ARL1: variants seen among roughly 807,000 people sequenced by gnomAD.
ARL1 encodes ARF like GTPase 1.
ARL1 carries 17 observed loss-of-function variants against 30.1 expected under a neutral mutation model. The ratio of observed to expected loss-of-function variants is 0.56; its 90% CI spans 0.39 to 0.85. The LOEUF (loss-of-function observed/expected upper bound fraction) is 0.85. ARL1 is among the 40% of genes least tolerant of loss of function. The pLI is 0.00. For synonymous variants in ARL1, 58 were observed against 71.7 expected (o/e 0.81, Z 0.97); for missense variants, 102 against 212.6 (o/e 0.48, Z 3.24).
rs1871117832 is a variant in ARL1, at chr12:101,395,311, TA to T, written c.*328del. The T allele has an allele frequency of 4.5e-6, 1 of 222,664 alleles. No individual in the cohort carries two copies. Among genetic ancestry groups the T allele is most frequent in the African/African-American group, 2.3e-5 (1 of 44,074 alleles). 13.8% of individuals were successfully genotyped at this position (222,664 alleles called of 1,614,324 possible). A position where few individuals can be genotyped will look rare whatever the true frequency, so the allele number is the denominator to read the frequency against. On this transcript the variant is annotated 3_prime_UTR_variant, in exon 6 of 6. Transcript: ENST00000261636. ...ATTTATACAAACAAGCTGCAACTAC[TA>T]TTCAAAAATAGGTTTTTTTCATCCA... is the stretch of plus-strand genomic sequence containing the variant.
chr12:101,406,003 A>C, intron 1 of ARL1, 22 bp from the exon 2 acceptor site: 2 of 1,537,354 alleles, frequency 1.3e-6, no homozygotes, highest in Non-Finnish European at 1.8e-6. Context: ...TAAAAGAAAA[A>C]ACATACACAA....
At position 101,395,543 on chromosome 12, in the gene ARL1, T is replaced by C. The variant is rs1449818719; in HGVS notation, c.*97A>G. ...GTCAGTCAGTATATGCCAATAATCA[T>C]ATAGTTTTAACATCTAGTAGTGTGA... On this transcript the variant is annotated 3_prime_UTR_variant, in exon 6 of 6. Coordinates refer to ENST00000261636, the MANE Select transcript of ARL1 (RefSeq NM_001177.6). 1 of 984,640 alleles carries C rather than the reference T, an allele frequency of 1.0e-6. No homozygotes were observed. Among genetic ancestry groups the C allele is most frequent in the African/African-American group, 1.6e-5 (1 of 61,036 alleles). 61.0% of individuals were successfully genotyped at this position (984,640 alleles called of 1,614,324 possible). A position where few individuals can be genotyped will look rare whatever the true frequency, so the allele number is the denominator to read the frequency against.
rs1295096319 is a variant in ARL1 at position 101,401,096 on chromosome 12, C to G, written c.302G>C (p.Gly101Ala). The change falls in exon 4 of 6, where the codon GGC (glycine) becomes GCC (alanine). Residue 101 changes from glycine to alanine, a missense_variant. Physicochemically the swap from Gly to Ala is moderately conservative, Grantham distance 60. Coordinates refer to ENST00000261636, the MANE Select transcript of ARL1 (RefSeq NM_001177.6). ...VVDSCDRDRI[G>A]ISKSELVAML... Reference sequence around the variant, plus strand: ...GGCAACTAACTCTGATTTGGAAATGCCAATTCGGTCTCGGTCACAACTGTC... The same window carrying G: ...GGCAACTAACTCTGATTTGGAAATGGCAATTCGGTCTCGGTCACAACTGTC... 4 of 1,613,742 alleles carry G rather than the reference C, an allele frequency of 2.5e-6. No individual in the cohort carries two copies. Among genetic ancestry groups the G allele is most frequent in the Non-Finnish European group, 3.4e-6 (4 of 1,179,762 alleles).
chr12:101,404,113 C>CA (rs1335470176), intron 2 of ARL1, among the ~76,000 whole-genome samples: 3 of 152,080 alleles, frequency 2.0e-5, no homozygotes, highest in South Asian at 2.1e-4. Flanking sequence ...CAAATTTGAG[C>CA]AAAAAACTAA....
At chr12:101,407,609 A>G (rs1871483573) in intron 1 of ARL1, 33 bp downstream of exon 1, 2 of 1,608,602 alleles carry the variant, frequency 1.2e-6, no homozygotes, top group Non-Finnish European at 1.7e-6. Context: ...GGCTCCCTCG[A>G]GCGCGCCCAG....
rs753829623 is a variant in ARL1 at position 101,396,595 on chromosome 12, TATTTA to T, written c.337-23_337-19del. ...TCTTCTTCCTAAATGAAATTGAAAATATTTAATTTCTTTTAACTAATGTGCTCTCT... is the reference window on the plus strand; with the variant it reads ...TCTTCTTCCTAAATGAAATTGAAAATATTTCTTTTAACTAATGTGCTCTCT... On this transcript the variant is annotated intron_variant, in intron 4 of 5. Coordinates refer to ENST00000261636, the MANE Select transcript of ARL1 (RefSeq NM_001177.6). The T allele has an allele frequency of 2.5e-6, 4 of 1,599,760 alleles. No homozygotes were observed. Among genetic ancestry groups the T allele is most frequent in the African/African-American group, 2.7e-5 (2 of 74,272 alleles).
At chr12:101,399,369 G>C (rs1006401358) in intron 4 of ARL1, among the ~76,000 whole-genome samples, 1 of 151,864 alleles carries the variant, frequency 6.6e-6, no homozygotes, top group Non-Finnish European at 1.5e-5. Flanking sequence ...AAAATAAGCC[G>C]GGTGTGGTGG....
At chr12:101,404,011 T>C (rs140134613) in intron 2 of ARL1, among the ~76,000 whole-genome samples, 98 of 152,284 alleles carry the variant, frequency 6.4e-4, no homozygotes, top group Admixed American at 3.4e-3. Flanking sequence ...GACAATTAGC[T>C]TTTGTTTTAT....
intron 3 of ARL1, among the ~76,000 whole-genome samples, chr12:101,402,376 AC>A (rs1871328008): frequency 6.6e-6 from 1 of 152,110 alleles, no homozygotes. Context: ...TTTAGTAGAG[AC>A]GAGGTTTCAC....
chr12:101,407,461 C>G, intron 1 of ARL1, 181 bp downstream of exon 1: 2 of 746,648 alleles, frequency 2.7e-6, no homozygotes, highest in East Asian at 5.6e-5. Flanking sequence ...CGGAGGAGAA[C>G]GCGAGAGGCC....
Position 101,394,692 on chromosome 12 carries a change from T to C in ARL1, c.*948A>G, listed in dbSNP as rs943128409. On this transcript the variant is annotated 3_prime_UTR_variant, in exon 6 of 6. Transcript: ENST00000261636. The stretch of plus-strand genomic sequence containing the variant: ...TTATGAATTCTATCAAATATAACCA[T>C]TTAGGATTATTTATAGTATGTCACT... 6.6e-6 allele frequency: 1 copy of C among 152,166 alleles called. No individual in the cohort carries two copies. The highest frequency in any genetic ancestry group is 2.4e-5 in the African/African-American group (1 of 41,444). The allele number at this position is 152,166 out of a possible 1,614,324, so 9.4% of individuals were successfully genotyped here.
At position 101,394,914 on chromosome 12, in the gene ARL1, G is replaced by A. The variant is rs1463025993; in HGVS notation, c.*726C>T. 2 of 152,074 alleles carry A rather than the reference G, an allele frequency of 1.3e-5. No homozygotes were observed. The highest frequency in any genetic ancestry group is 2.4e-5 in the African/African-American group (1 of 41,410). 9.4% of individuals were successfully genotyped at this position (152,074 alleles called of 1,614,324 possible). ...ATTCCTACCTTACAAGCTAGCAGGTGACCTTGGGCAAGCCAACCTATTAGA... is the reference window on the plus strand; with the variant it reads ...ATTCCTACCTTACAAGCTAGCAGGTAACCTTGGGCAAGCCAACCTATTAGA... On this transcript the variant is annotated 3_prime_UTR_variant, in exon 6 of 6. Coordinates refer to ENST00000261636, the MANE Select transcript of ARL1 (RefSeq NM_001177.6).
chr12:101,400,837 A>G (rs1871286874), intron 4 of ARL1, among the ~76,000 whole-genome samples: 1 of 152,228 alleles, frequency 6.6e-6, no homozygotes, highest in African/African-American at 2.4e-5. Flanking sequence ...AACCTCCTGG[A>G]AAATCAAGCA....
chr12:101,394,849 T>C lies in ARL1; in HGVS notation c.*791A>G, dbSNP rs1354442065. The C allele has an allele frequency of 6.6e-6, 1 of 152,200 alleles. No homozygotes were observed. Among genetic ancestry groups the C allele is most frequent in the African/African-American group, 2.4e-5 (1 of 41,458 alleles). The allele number at this position is 152,200 out of a possible 1,614,324, so 9.4% of individuals were successfully genotyped here. On this transcript the variant is annotated 3_prime_UTR_variant, in exon 6 of 6. Coordinates refer to ENST00000261636, the MANE Select transcript of ARL1 (RefSeq NM_001177.6). ...TTTTGGGAATATATAGTATAGTTTA[T>C]GAGTCAAGCTTCTGAACCAAAAGTT...
At chr12:101,398,561 T>C (rs960418344) in intron 4 of ARL1, among the ~76,000 whole-genome samples, 1 of 151,698 alleles carries the variant, frequency 6.6e-6, no homozygotes, top group African/African-American at 2.4e-5. Flanking sequence ...GTGACTCTCC[T>C]GCCTCAGCCT....
rs1871123238 is a variant in ARL1 at position 101,395,454 on chromosome 12, G to C, written c.*186C>G. 1 of 554,924 alleles carries C rather than the reference G, an allele frequency of 1.8e-6. No individual in the cohort carries two copies. Among genetic ancestry groups the C allele is most frequent in the Non-Finnish European group, 3.2e-6 (1 of 311,416 alleles). 34.4% of individuals were successfully genotyped at this position (554,924 alleles called of 1,614,324 possible). A position where few individuals can be genotyped will look rare whatever the true frequency, so the allele number is the denominator to read the frequency against. Reference sequence around the variant, plus strand: ...ATTTTACATTACATAGAACATTCAGGTGATTCGATCAAATTATCCCTCCAA... The same window carrying C: ...ATTTTACATTACATAGAACATTCAGCTGATTCGATCAAATTATCCCTCCAA... On this transcript the variant is annotated 3_prime_UTR_variant, in exon 6 of 6. Coordinates refer to ENST00000261636, the MANE Select transcript of ARL1 (RefSeq NM_001177.6).
At chr12:101,397,803 AC>A (rs1871192252) in intron 4 of ARL1, among the ~76,000 whole-genome samples, 1 of 152,032 alleles carries the variant, frequency 6.6e-6, no homozygotes, top group Non-Finnish European at 1.5e-5. Flanking sequence ...CGCCCTGCTG[AC>A]CCTGTCTCTT....
chr12:101,400,984 G>A lies in ARL1; in HGVS notation c.336+78C>T, dbSNP rs546787707. 655 of 953,848 alleles carry A rather than the reference G, an allele frequency of 6.9e-4. 1 individual carries two copies. The highest frequency in any genetic ancestry group is 8.1e-4 in the Non-Finnish European group (489 of 603,028). The allele number at this position is 953,848 out of a possible 1,614,324, so 59.1% of individuals were successfully genotyped here. ...TAAAAGGATGGAGGGAACAACCCCT[G>A]CATTCTTTTTAATTATTCTTCAATG... On this transcript the variant is annotated intron_variant, in intron 4 of 5. Coordinates refer to ENST00000261636, the MANE Select transcript of ARL1 (RefSeq NM_001177.6).
At chr12:101,398,766 C>T (rs940438976) in intron 4 of ARL1, among the ~76,000 whole-genome samples, 17 of 152,202 alleles carry the variant, frequency 1.1e-4, no homozygotes, top group African/African-American at 4.1e-4. Context: ...CATTAACAGT[C>T]CTGACTCGTA....
Sources: gnomAD v4.1 joint callset for allele counts (sites outside exome capture counted in the v4.1 genomes callset) on GRCh38, gnomAD v4.1.1 for gene constraint, MANE v1.5 for transcripts, NCBI Gene and HGNC (gene_info 2026-07-23, HGNC 2026-07-21) for gene names.